The following RBFOX3 variants were observed in gnomAD, a reference collection of about 807,000 sequenced individuals.
RBFOX3 encodes RNA binding protein fox-1 homolog 3.
RBFOX3 carries 17 observed loss-of-function variants against 48.7 expected under a neutral mutation model. That is an observed-to-expected ratio of 0.35 (90% CI 0.24 to 0.52). The LOEUF is 0.52. Among genes scored for constraint, RBFOX3 ranks in the 20% least tolerant of loss-of-function variants. RBFOX3 has a pLI of 0.94. For synonymous variants in RBFOX3, 212 were observed against 209.5 expected (o/e 1.01, Z -0.10); for missense variants, 382 against 497.5 (o/e 0.77, Z 2.21).
intron 4 of RBFOX3, among the ~76,000 whole-genome samples, chr17:79,231,468 T>C (rs948596829): frequency 3.3e-5 from 5 of 152,000 alleles, no homozygotes; most frequent in African/African-American, 1.2e-4. Flanking sequence ...CTAGGATAAA[T>C]ACAGCCCTGG....
At chr17:79,378,507 T>A (rs2059495437) in intron 2 of RBFOX3, among the ~76,000 whole-genome samples, 1 of 152,176 alleles carries the variant, frequency 6.6e-6, no homozygotes, top group African/African-American at 2.4e-5. Flanking sequence ...CGCTAGGACA[T>A]AACCCGTGGC....
the RBFOX3 span, among the ~76,000 whole-genome samples, chr17:79,634,152 C>A: frequency 6.6e-6 from 1 of 152,196 alleles, no homozygotes; most frequent in Non-Finnish European, 1.5e-5. Context: ...CACCTCCACA[C>A]CTCTCCCATG....
chr17:79,137,237 GCA>G (rs4012813), intron 4 of RBFOX3, among the ~76,000 whole-genome samples: 44,581 of 150,058 alleles, frequency 0.3, 7,487 homozygotes, highest in East Asian at 0.76. Context: ...CCCTCTTCAT[GCA>G]CACACACACA....
the RBFOX3 span, among the ~76,000 whole-genome samples, chr17:79,656,607 A>G: frequency 1.4e-5 from 2 of 148,028 alleles, no homozygotes; most frequent in Admixed American, 1.4e-4. Flanking sequence ...GAGTGAGCCA[A>G]GAAAGGAAAG....
At chr17:79,187,246 C>T (rs1014925595) in intron 4 of RBFOX3, among the ~76,000 whole-genome samples, 3 of 152,194 alleles carry the variant, frequency 2.0e-5, no homozygotes, top group Non-Finnish European at 1.5e-5. Flanking sequence ...AGAAAGGAAG[C>T]AACTCCACAC....
At chr17:79,105,307 A>T (rs1415991160) in intron 6 of RBFOX3, among the ~76,000 whole-genome samples, 1 of 152,172 alleles carries the variant, frequency 6.6e-6, no homozygotes, top group Non-Finnish European at 1.5e-5. Context: ...CAGGGAGTTG[A>T]TGGCGGATGG....
At chr17:79,556,742 A>C (rs905747141) in intron 1 of RBFOX3, among the ~76,000 whole-genome samples, 107 of 152,352 alleles carry the variant, frequency 7.0e-4, no homozygotes, top group African/African-American at 2.5e-3. Context: ...AAGGCAGCAC[A>C]TCTATCAACG....
chr17:79,563,964 C>T (rs1255902512), intron 1 of RBFOX3, among the ~76,000 whole-genome samples: 1 of 152,176 alleles, frequency 6.6e-6, no homozygotes, highest in Admixed American at 6.5e-5. Context: ...ATTAAGTGAG[C>T]ACTAACTATG....
At chr17:79,506,868 C>T (rs946777064) in intron 1 of RBFOX3, among the ~76,000 whole-genome samples, 178 of 152,306 alleles carry the variant, frequency 1.2e-3, no homozygotes, top group African/African-American at 4.0e-3. Flanking sequence ...TTCTCCAGTG[C>T]CCCCACGATC....
intron 1 of RBFOX3, among the ~76,000 whole-genome samples, chr17:79,516,895 C>T (rs1210911448): frequency 2.0e-5 from 3 of 152,014 alleles, no homozygotes; most frequent in Admixed American, 6.6e-5. Context: ...GGTCGGATGT[C>T]GTACAATCCA....
rs1341438170 is a variant in RBFOX3, at chr17:79,559,689, CGGTG to C, written c.-320+51133_-320+51136del. On this transcript the variant is annotated intron_variant, in intron 1 of 14. Transcript: ENST00000693108. ...TGGGTGGGTGGATGGATGAGTGGGT[CGGTG>C]GGTGGATGGATGGGTGGATGATGGG... is the stretch of plus-strand genomic sequence containing the variant. 2.9e-4 allele frequency among the ~76,000 whole-genome samples: 12 copies of C among 41,062 alleles called. No homozygotes were observed. The South Asian group carries it at 0.011, about 37-fold the overall frequency. The allele number at this position is 41,062 out of a possible 152,430, so 26.9% of individuals were successfully genotyped here. A position where few individuals can be genotyped will look rare whatever the true frequency, so the allele number is the denominator to read the frequency against.
At chr17:79,293,623 T>G (rs1432520270) in intron 3 of RBFOX3, among the ~76,000 whole-genome samples, 1 of 152,014 alleles carries the variant, frequency 6.6e-6, no homozygotes, top group African/African-American at 2.4e-5. Flanking sequence ...TGGCTAATTT[T>G]TGTATTTTTA....
At chr17:79,425,174 C>T (rs1378441694) in intron 2 of RBFOX3, among the ~76,000 whole-genome samples, 5 of 152,144 alleles carry the variant, frequency 3.3e-5, no homozygotes, top group Admixed American at 6.5e-5. Context: ...TAGAACATAC[C>T]CAGATCCTTC....
chr17:79,384,466 G>T (rs1015910742), intron 2 of RBFOX3, among the ~76,000 whole-genome samples: 3 of 152,090 alleles, frequency 2.0e-5, no homozygotes, highest in Non-Finnish European at 2.9e-5. Flanking sequence ...ACTGCACAGG[G>T]GGTTTAAGCA....
In RBFOX3 at chr17:79,421,354, C is replaced by T. The variant is rs1173880929; in HGVS notation, c.-175+61100G>A. Reference sequence around the variant, plus strand: ...AAGCCTCTACGCTTGAGGCTGGTGTCAGAAGTGGGGCTGCTTGAAGTGGAT... The same window carrying T: ...AAGCCTCTACGCTTGAGGCTGGTGTTAGAAGTGGGGCTGCTTGAAGTGGAT... On this transcript the variant is annotated intron_variant, in intron 2 of 14. Transcript: ENST00000693108. This position sits in a 1 kb window ranked among gnomAD's most constrained non-coding sequence, Gnocchi z 4.5. Among the ~76,000 whole-genome samples, 1 of 152,176 alleles carries T rather than the reference C, an allele frequency of 6.6e-6. No homozygotes were observed. Among genetic ancestry groups the T allele is most frequent in the Non-Finnish European group, 1.5e-5 (1 of 68,024 alleles).
At chr17:79,500,662 G>A (rs1051430174) in intron 1 of RBFOX3, among the ~76,000 whole-genome samples, 2 of 151,710 alleles carry the variant, frequency 1.3e-5, no homozygotes, top group African/African-American at 2.4e-5. Context: ...TCCTTTTCCC[G>A]TATCAAAAGA....
At chr17:79,475,456 C>A (rs1016347420) in intron 2 of RBFOX3, among the ~76,000 whole-genome samples, 4 of 152,168 alleles carry the variant, frequency 2.6e-5, no homozygotes, top group Admixed American at 6.5e-5. Context: ...CTGGGTTCAT[C>A]TTCCTCCCTG....
chr17:79,553,689 A>T (rs2091356160), intron 1 of RBFOX3, among the ~76,000 whole-genome samples: 1 of 151,592 alleles, frequency 6.6e-6, no homozygotes, highest in African/African-American at 2.4e-5. Flanking sequence ...ATTCCTCATT[A>T]TGTGTTCCTT....
intron 4 of RBFOX3, among the ~76,000 whole-genome samples, chr17:79,161,789 T>C (rs144208027): frequency 2.6e-4 from 40 of 152,326 alleles, no homozygotes; most frequent in African/African-American, 9.6e-4. Context: ...GAGACGGGGT[T>C]TCACCATGTT....
Sources: allele counts gnomAD v4.1 joint callset (sites outside exome capture counted in the v4.1 genomes callset), GRCh38; gene constraint gnomAD v4.1.1; non-coding constraint Gnocchi (gnomAD v3.1); transcripts MANE v1.5; gene names NCBI Gene and HGNC (gene_info 2026-07-23, HGNC 2026-07-21).